ACER1: variants seen among roughly 807,000 people sequenced by gnomAD.
ACER1 encodes the protein alkaline ceramidase 1, also known as CTB-180A7.3.
In ACER1, 28 loss-of-function variants were observed where a neutral mutation model predicts 24.9. That is an observed-to-expected ratio of 1.13 (90% confidence interval 0.83 to 1.54). ACER1 has a LOEUF of 1.54. Among genes scored for constraint, ACER1 ranks in the 40% most tolerant of loss-of-function variants. The pLI, the probability that ACER1 is intolerant of heterozygous loss-of-function variation, is 0.00. For synonymous variants in ACER1, 132 were observed against 131.4 expected, an observed-to-expected ratio of 1.00 and a Z score of -0.03; for missense variants, 352 against 349.3, an observed-to-expected ratio of 1.01 and a Z score of -0.06.
intron 1 of ACER1, among the ~76,000 whole-genome samples, chr19:6,331,494 T>TC: frequency 2.2e-5 from 3 of 134,632 alleles, no homozygotes; most frequent in African/African-American, 9.9e-5. Context: ...GTGCAGGGCA[T>TC]AGAACTAAGC....
intron 1 of ACER1, among the ~76,000 whole-genome samples, chr19:6,327,062 G>C (rs911010490): frequency 2.6e-5 from 4 of 152,148 alleles, no homozygotes; most frequent in Admixed American, 6.6e-5. Flanking sequence ...AACACCTGGG[G>C]TGAGTTCTTG....
chr19:6,355,933 G>A, the ACER1 span, among the ~76,000 whole-genome samples: 2 of 151,826 alleles, frequency 1.3e-5, no homozygotes, highest in Non-Finnish European at 2.9e-5. Flanking sequence ...GGGAAGTGAG[G>A]AGCCCCTCTG....
At chr19:6,340,913 T>A in the ACER1 span, among the ~76,000 whole-genome samples, 1 of 152,048 alleles carries the variant, frequency 6.6e-6, no homozygotes, top group African/African-American at 2.4e-5. Flanking sequence ...CACACACTTA[T>A]CATCTTACCT....
chr19:6,337,523 G>A (rs1022006800), upstream of ACER1, among the ~76,000 whole-genome samples: 9 of 148,490 alleles, frequency 6.1e-5, no homozygotes, highest in Non-Finnish European at 1.2e-4. Context: ...GCATGATCTC[G>A]GCTCACTGCA....
At chr19:6,314,534 G>A (rs1255071282) in intron 1 of ACER1, among the ~76,000 whole-genome samples, 11 of 150,836 alleles carry the variant, frequency 7.3e-5, no homozygotes, top group South Asian at 2.1e-4. Context: ...AGACCCCGAC[G>A]TGCTGACATC....
chr19:6,348,236 G>GT, the ACER1 span, among the ~76,000 whole-genome samples: 1 of 151,576 alleles, frequency 6.6e-6, no homozygotes, highest in South Asian at 2.1e-4. Context: ...AGGCCGAGGC[G>GT]GGTGGATCAC....
At chr19:6,341,889 A>G in the ACER1 span, among the ~76,000 whole-genome samples, 1 of 152,154 alleles carries the variant, frequency 6.6e-6, no homozygotes, top group Non-Finnish European at 1.5e-5. Context: ...TTGGCCTCCC[A>G]AAGTGCTAGG....
At chr19:6,354,428 A>C in the ACER1 span, among the ~76,000 whole-genome samples, 2 of 152,146 alleles carry the variant, frequency 1.3e-5, no homozygotes, top group Non-Finnish European at 2.9e-5. Context: ...ACTTTCAAAG[A>C]ATTCTCCAAC....
In ACER1 at chr19:6,306,296, C is replaced by G. The variant is rs1438616140; in HGVS notation, c.*418G>C. ...CTTCTGACCTCAGGTGATCCACCCACCTCGGCCTCCCAAAGTGCTGGGATT... is the reference window on the plus strand; with the variant it reads ...CTTCTGACCTCAGGTGATCCACCCAGCTCGGCCTCCCAAAGTGCTGGGATT... On this transcript the variant is annotated 3_prime_UTR_variant, in exon 6 of 6. Transcript: ENST00000301452. 1 of 155,946 alleles carries G rather than the reference C, an allele frequency of 6.4e-6. No homozygotes were observed. Among genetic ancestry groups the G allele is most frequent in the Non-Finnish European group, 1.4e-5 (1 of 70,364 alleles). 9.7% of individuals were successfully genotyped at this position (155,946 alleles called of 1,614,324 possible). A position where few individuals can be genotyped will look rare whatever the true frequency, so the allele number is the denominator to read the frequency against.
chr19:6,320,233 G>A (rs960029982), intron 1 of ACER1, among the ~76,000 whole-genome samples: 3 of 152,036 alleles, frequency 2.0e-5, no homozygotes, highest in Admixed American at 2.0e-4. Context: ...GTCTCCAGTT[G>A]AGGACAGCCA....
intron 1 of ACER1, among the ~76,000 whole-genome samples, chr19:6,320,107 A>G (rs1447479632): frequency 6.6e-6 from 1 of 150,938 alleles, no homozygotes; most frequent in East Asian, 1.9e-4. Flanking sequence ...TGTCTCAAAA[A>G]AAAAAAAAAA....
At chr19:6,357,722 C>T in the ACER1 span, among the ~76,000 whole-genome samples, 2 of 150,830 alleles carry the variant, frequency 1.3e-5, no homozygotes, top group Non-Finnish European at 2.9e-5. Context: ...GAGATCGCTT[C>T]ACTGCACTCC....
chr19:6,322,561 T>G (rs1460264844), intron 1 of ACER1, among the ~76,000 whole-genome samples: 3 of 152,080 alleles, frequency 2.0e-5, no homozygotes, highest in Non-Finnish European at 4.4e-5. Context: ...CCTCGGGTGT[T>G]TTCTTCTCCT....
At chr19:6,325,582 G>A (rs1002426683) in intron 1 of ACER1, among the ~76,000 whole-genome samples, 5 of 152,240 alleles carry the variant, frequency 3.3e-5, no homozygotes, top group Non-Finnish European at 7.3e-5. Flanking sequence ...GAACCTGGGA[G>A]GCAGAGGTTG....
rs932913971 is a variant in ACER1, at chr19:6,306,372, A to C, written c.*342T>G. The C allele has an allele frequency of 3.9e-5, 8 of 205,598 alleles. No individual in the cohort carries two copies. The highest frequency in any genetic ancestry group is 2.2e-4 in the Admixed American group (4 of 18,292). 12.7% of individuals were successfully genotyped at this position (205,598 alleles called of 1,614,324 possible). Reference sequence around the variant, plus strand: ...CTAGAAGCTAATATTTAGATGCCACATCCTTCAGTCACCCCAGTACCTGGT... The same window carrying C: ...CTAGAAGCTAATATTTAGATGCCACCTCCTTCAGTCACCCCAGTACCTGGT... On this transcript the variant is annotated 3_prime_UTR_variant, in exon 6 of 6. Transcript: ENST00000301452.
intron 4 of ACER1, among the ~76,000 whole-genome samples, chr19:6,307,673 TC>T (rs2091558679): frequency 6.6e-6 from 1 of 151,284 alleles, no homozygotes; most frequent in African/African-American, 2.4e-5. Flanking sequence ...TGCCTGCAGT[TC>T]CGGTTACTCG....
the ACER1 span, among the ~76,000 whole-genome samples, chr19:6,339,368 A>G: frequency 6.6e-6 from 1 of 152,256 alleles, no homozygotes; most frequent in East Asian, 1.9e-4. Context: ...CAGACATAAA[A>G]GGACAAATCC....
At chr19:6,311,652 AAGG>A (rs952094194) in intron 3 of ACER1, among the ~76,000 whole-genome samples, 1 of 147,928 alleles carries the variant, frequency 6.8e-6, no homozygotes, top group Non-Finnish European at 1.5e-5. Flanking sequence ...GAAGAAGGAG[AAGG>A]AGGAGGAGAA....
Position 6,312,449 on chromosome 19 carries a change from C to A in ACER1, c.144G>T (p.Met48Ile). The A allele has an allele frequency of 6.2e-7, 1 of 1,613,840 alleles. No individual in the cohort carries two copies. The change falls in exon 2 of 6, where the codon ATG becomes ATT. Residue 48 changes from methionine to isoleucine, a missense_variant. Met to Ile is a conservative substitution (Grantham distance 10). Transcript: ENST00000301452. ...FIFGPLMMLL[M>I]HPYAQKRSRY... ...GGGAGCGCTTCTGGGCATACGGGTG[C>A]ATCAGGAGCATCATCAGTGGCCCGA... is the stretch of plus-strand genomic sequence containing the variant.
Sources: allele counts gnomAD v4.1 joint callset (sites outside exome capture counted in the v4.1 genomes callset), GRCh38; gene constraint gnomAD v4.1.1; transcripts MANE v1.5; gene names NCBI Gene and HGNC (gene_info 2026-07-23, HGNC 2026-07-21).